Variants in FNBP1L observed in about 807,000 individuals in gnomAD.
The protein encoded by FNBP1L is formin binding protein 1 like.
Under a neutral mutation model 91.2 loss-of-function variants are expected in FNBP1L, and 36 were observed. The ratio of observed to expected loss-of-function variants is 0.39; its 90% CI spans 0.30 to 0.52. The LOEUF (loss-of-function observed/expected upper bound fraction) is 0.52, where lower values mean the gene tolerates loss of function less well. FNBP1L is among the 20% of genes least tolerant of loss of function. FNBP1L has a pLI of 0.66. For synonymous variants in FNBP1L, 242 were observed against 237.0 expected, an observed-to-expected ratio of 1.02 and a Z score of -0.19; for missense variants, 571 against 732.1, an observed-to-expected ratio of 0.78 and a Z score of 2.54.
In FNBP1L at chr1:93,456,474, A is replaced by G. The variant is rs1170790636; in HGVS notation, c.24+8169A>G. Among the ~76,000 whole-genome samples, 4 of 151,924 alleles carry G rather than the reference A, an allele frequency of 2.6e-5. No individual in the cohort carries two copies. The East Asian group carries it at 5.8e-4, about 22-fold the overall frequency. ...TTGCTGTGTCCTTGCTGCACACCCA[A>G]TTTATAGAAAAGGAGCCAGGTGCAG... On this transcript the variant is annotated intron_variant, in intron 1 of 16. Coordinates refer to ENST00000271234, the MANE Select transcript of FNBP1L (RefSeq NM_001164473.3).
chr1:93,459,718 G>T (rs1277414634), intron 1 of FNBP1L, among the ~76,000 whole-genome samples: 1 of 152,168 alleles, frequency 6.6e-6, no homozygotes, highest in Non-Finnish European at 1.5e-5. Context: ...TCCCACTTCT[G>T]TGTATTTATC....
chr1:93,468,280 C>T (rs1324160234), intron 1 of FNBP1L, among the ~76,000 whole-genome samples: 4 of 151,976 alleles, frequency 2.6e-5, no homozygotes, highest in Non-Finnish European at 4.4e-5. Flanking sequence ...ACATGCATTA[C>T]TTTGTTCTTT....
At chr1:93,507,113 T>A (rs61784066) in intron 2 of FNBP1L, among the ~76,000 whole-genome samples, 217 of 97,592 alleles carry the variant, frequency 2.2e-3, no homozygotes, top group Non-Finnish European at 2.8e-3. Context: ...ACACACTCTC[T>A]CTCTCTCTCT....
chr1:93,453,838 C>T (rs993854711), intron 1 of FNBP1L, among the ~76,000 whole-genome samples: 1 of 152,120 alleles, frequency 6.6e-6, no homozygotes, highest in Non-Finnish European at 1.5e-5. Flanking sequence ...TATTTCATGC[C>T]TATTATGGCT....
intron 2 of FNBP1L, among the ~76,000 whole-genome samples, chr1:93,513,448 C>T (rs1191951123): frequency 2.7e-4 from 41 of 152,072 alleles, no homozygotes; most frequent in East Asian, 1.7e-3. Context: ...ATACCAAAGC[C>T]GGGCAGAGAC....
chr1:93,504,266 G>A (rs1670533004), intron 2 of FNBP1L, among the ~76,000 whole-genome samples: 1 of 152,130 alleles, frequency 6.6e-6, no homozygotes, highest in Non-Finnish European at 1.5e-5. Flanking sequence ...TTGGTGTCGT[G>A]TACATCATTG....
chr1:93,466,826 A>C (rs1463869436), intron 1 of FNBP1L, among the ~76,000 whole-genome samples: 5 of 152,096 alleles, frequency 3.3e-5, no homozygotes, highest in Non-Finnish European at 5.9e-5. Flanking sequence ...GATTCTTCCT[A>C]TCCATGAGCA....
rs927466884 is a variant in FNBP1L at position 93,522,016 on chromosome 1, T to C, written c.141-66T>C. Reference sequence around the variant, plus strand: ...TCATGATTGAATGAAATTGAAAACTTAGACTATTTCAATTGTAACAATAGT... The same window carrying C: ...TCATGATTGAATGAAATTGAAAACTCAGACTATTTCAATTGTAACAATAGT... On this transcript the variant is annotated intron_variant, in intron 2 of 16. Transcript: ENST00000271234. The C allele has an allele frequency of 1.4e-5, 14 of 1,011,696 alleles. No homozygotes were observed. In the South Asian group the frequency reaches 2.4e-4, roughly 17 times the overall value. The allele number at this position is 1,011,696 out of a possible 1,614,324, so 62.7% of individuals were successfully genotyped here.
chr1:93,497,969 T>TA (rs34548312), intron 1 of FNBP1L, among the ~76,000 whole-genome samples: 71,846 of 149,316 alleles, frequency 0.48, 20,097 homozygotes, highest in East Asian at 0.62. Context: ...TCAAATATGT[T>TA]AAAAAAAAAA....
intron 5 of FNBP1L, among the ~76,000 whole-genome samples, chr1:93,527,063 T>C (rs1357626994): frequency 1.3e-5 from 2 of 152,140 alleles, no homozygotes; most frequent in South Asian, 2.1e-4. Context: ...ATTTGGTGTC[T>C]CATACTAATC....
At chr1:93,477,813 AT>A (rs1447585849) in intron 1 of FNBP1L, among the ~76,000 whole-genome samples, 1 of 152,236 alleles carries the variant, frequency 6.6e-6, no homozygotes, top group Non-Finnish European at 1.5e-5. Flanking sequence ...GCATTAGTGC[AT>A]TTTGTGGTTA....
At chr1:93,547,507 TTA>T in intron 14 of FNBP1L, 66 bp downstream of exon 14, 1 of 1,332,178 alleles carries the variant, frequency 7.5e-7, no homozygotes, top group Non-Finnish European at 1.0e-6. Flanking sequence ...GTCCTAAACT[TTA>T]TACAATTCGT....
intron 1 of FNBP1L, among the ~76,000 whole-genome samples, chr1:93,491,670 T>C (rs935582298): frequency 1.3e-5 from 2 of 152,236 alleles, no homozygotes; most frequent in Non-Finnish European, 2.9e-5. Flanking sequence ...GTTTCACTTG[T>C]AGCTAAACTT....
At chr1:93,551,790 T>C (rs1027913002) in intron 16 of FNBP1L, 10 of 985,284 alleles carry the variant, frequency 1.0e-5, no homozygotes, top group Non-Finnish European at 1.2e-5. Context: ...CCTCAAAATA[T>C]TTTGAGGTTA....
chr1:93,448,865 G>C (rs1668375664), intron 1 of FNBP1L, among the ~76,000 whole-genome samples: 1 of 152,122 alleles, frequency 6.6e-6, no homozygotes, highest in East Asian at 1.9e-4. Flanking sequence ...TTCGGAGCCC[G>C]GCCTCGGGCC....
chr1:93,552,539 AG>A lies in FNBP1L; in HGVS notation c.*124del. 7 of 995,752 alleles carry A rather than the reference AG, an allele frequency of 7.0e-6. No homozygotes were observed. Among genetic ancestry groups the A allele is most frequent in the Non-Finnish European group, 1.0e-5 (7 of 698,326 alleles). 61.7% of individuals were successfully genotyped at this position (995,752 alleles called of 1,614,324 possible). On this transcript the variant is annotated 3_prime_UTR_variant, in exon 17 of 17. Transcript: ENST00000271234. ...AGAAGCAAGTTGCATGAGTGCATGC[AG>A]ACATGATTTTTTTTTTACTAACTTC...
At chr1:93,521,458 T>A (rs938757543) in intron 2 of FNBP1L, among the ~76,000 whole-genome samples, 1 of 152,214 alleles carries the variant, frequency 6.6e-6, no homozygotes, top group African/African-American at 2.4e-5. Context: ...CAGTTTCACA[T>A]ACTGAGTGTA....
chr1:93,503,784 T>C (rs1040076560), intron 2 of FNBP1L, among the ~76,000 whole-genome samples: 1 of 152,218 alleles, frequency 6.6e-6, no homozygotes, highest in Admixed American at 6.5e-5. Flanking sequence ...ATAAACATTG[T>C]ATTTGTATAA....
In FNBP1L at chr1:93,552,481, G is replaced by T. The variant is rs576437058; in HGVS notation, c.*65G>T. On this transcript the variant is annotated 3_prime_UTR_variant, in exon 17 of 17. Transcript: ENST00000271234. ...TTACATGCAGCTGCTTTTGGGGGAG[G>T]GTATTAGAGTTGTCAGGCTCAAAGA... is the stretch of plus-strand genomic sequence containing the variant. The T allele has an allele frequency of 6.3e-7, 1 of 1,588,902 alleles. No homozygotes were observed. Among genetic ancestry groups the T allele is most frequent in the Non-Finnish European group, 8.6e-7 (1 of 1,163,354 alleles).
Sources: allele counts gnomAD v4.1 joint callset (sites outside exome capture counted in the v4.1 genomes callset), GRCh38; gene constraint gnomAD v4.1.1; transcripts MANE v1.5; gene names NCBI Gene and HGNC (gene_info 2026-07-23, HGNC 2026-07-21).